The following EFCAB5 variants were observed in gnomAD, a reference collection of about 807,000 sequenced individuals.
EFCAB5 encodes the protein EF-hand calcium-binding domain-containing protein 5.
In EFCAB5, 131 loss-of-function variants were observed where a neutral mutation model predicts 167.9. The observed-to-expected ratio is 0.78, with a 90% CI of 0.68 to 0.90. The LOEUF (loss-of-function observed/expected upper bound fraction) is 0.90, where lower values mean the gene tolerates loss of function less well. Among genes scored for constraint, EFCAB5 ranks in the 40% least tolerant of loss-of-function variants. The pLI, the probability that EFCAB5 is intolerant of heterozygous loss-of-function variation, is 0.00. For synonymous variants in EFCAB5, 574 were observed against 602.8 expected (o/e 0.95, Z 0.70); for missense variants, 1,663 against 1,745.2 (o/e 0.95, Z 0.84).
intron 4 of EFCAB5, among the ~76,000 whole-genome samples, chr17:29,978,471 C>T (rs2068104984): frequency 6.6e-6 from 1 of 152,154 alleles, no homozygotes; most frequent in South Asian, 2.1e-4. Context: ...ATGTATATAT[C>T]CCATTATTAA....
At chr17:30,002,858 C>T (rs773019017) in intron 7 of EFCAB5, among the ~76,000 whole-genome samples, 24 of 152,012 alleles carry the variant, frequency 1.6e-4, no homozygotes, top group Admixed American at 9.2e-4. Flanking sequence ...ATTGAAAATT[C>T]TTCTATTTTA....
intron 4 of EFCAB5, among the ~76,000 whole-genome samples, chr17:29,987,103 G>A (rs1328153759): frequency 6.6e-6 from 1 of 152,156 alleles, no homozygotes; most frequent in Non-Finnish European, 1.5e-5. Context: ...AATACTCATG[G>A]CAGTGGTGAT....
intron 8 of EFCAB5, among the ~76,000 whole-genome samples, chr17:30,050,425 G>A (rs1470006207): frequency 1.3e-5 from 2 of 152,072 alleles, no homozygotes; most frequent in African/African-American, 2.4e-5. Context: ...GTGAGCCACC[G>A]CGCCTGGCCT....
intron 3 of EFCAB5, among the ~76,000 whole-genome samples, chr17:29,960,204 G>C (rs375044582): frequency 6.6e-6 from 1 of 152,214 alleles, no homozygotes; most frequent in East Asian, 1.9e-4. Context: ...ACTGCTGGGG[G>C]ATGGAGGAGG....
At chr17:29,980,127 C>G (rs985490071) in intron 4 of EFCAB5, among the ~76,000 whole-genome samples, 1 of 152,150 alleles carries the variant, frequency 6.6e-6, no homozygotes, top group African/African-American at 2.4e-5. Flanking sequence ...TGAGATCAGG[C>G]CATTGCACTC....
At chr17:29,963,689 T>G (rs1232108709) in intron 3 of EFCAB5, among the ~76,000 whole-genome samples, 1 of 152,188 alleles carries the variant, frequency 6.6e-6, no homozygotes, top group Non-Finnish European at 1.5e-5. Flanking sequence ...TTTTCTTTGT[T>G]GGGAAGTTTC....
At chr17:29,962,808 C>A (rs1425749355) in intron 3 of EFCAB5, among the ~76,000 whole-genome samples, 3 of 152,108 alleles carry the variant, frequency 2.0e-5, no homozygotes, top group South Asian at 2.1e-4. Flanking sequence ...TTCTTCTTGT[C>A]TTATAGCTCT....
intron 7 of EFCAB5, among the ~76,000 whole-genome samples, chr17:30,013,738 CT>C (rs1186409116): frequency 6.6e-6 from 1 of 152,090 alleles, no homozygotes; most frequent in East Asian, 1.9e-4. Context: ...TTTTGTTGAT[CT>C]TTTCAAAAAA....
chr17:30,097,047 TAC>T (rs1280713169), intron 22 of EFCAB5, among the ~76,000 whole-genome samples: 15,848 of 94,588 alleles, frequency 0.17, 1,097 homozygotes, highest in East Asian at 0.24. Context: ...CATATACATA[TAC>T]ATATATATAT....
chr17:30,049,828 T>A (rs2151770510), intron 8 of EFCAB5, among the ~76,000 whole-genome samples: 1 of 152,336 alleles, frequency 6.6e-6, no homozygotes, highest in Non-Finnish European at 1.5e-5. Flanking sequence ...AAAGTTGAAA[T>A]GCATACATTA....
chr17:30,024,287 T>C (rs1168725079), intron 7 of EFCAB5, among the ~76,000 whole-genome samples: 1 of 152,128 alleles, frequency 6.6e-6, no homozygotes, highest in African/African-American at 2.4e-5. Flanking sequence ...AAAACCCCAT[T>C]GTCTCAGCCC....
chr17:29,932,603 G>A (rs943105925), intron 1 of EFCAB5, among the ~76,000 whole-genome samples: 1 of 151,384 alleles, frequency 6.6e-6, no homozygotes, highest in Non-Finnish European at 1.5e-5. Context: ...TTACAGGCAT[G>A]TGCCACCACG....
chr17:29,945,014 T>G (rs1286247754), intron 3 of EFCAB5, among the ~76,000 whole-genome samples: 2 of 152,190 alleles, frequency 1.3e-5, no homozygotes, highest in African/African-American at 2.4e-5. Flanking sequence ...TTAACCCAAA[T>G]TCCACATAAT....
At chr17:30,043,486 A>G (rs898345981) in intron 8 of EFCAB5, among the ~76,000 whole-genome samples, 2 of 152,198 alleles carry the variant, frequency 1.3e-5, no homozygotes, top group African/African-American at 4.8e-5. Flanking sequence ...AATCTCAAGA[A>G]AAAAGTTGAA....
intron 3 of EFCAB5, among the ~76,000 whole-genome samples, chr17:29,949,523 T>C (rs1004951454): frequency 6.6e-6 from 1 of 152,232 alleles, no homozygotes; most frequent in African/African-American, 2.4e-5. Context: ...AATGAATTAA[T>C]CAATCAATCT....
At chr17:30,087,241 C>T in intron 19 of EFCAB5, 75 bp downstream of exon 19, 8 of 1,193,416 alleles carry the variant, frequency 6.7e-6, no homozygotes, top group Non-Finnish European at 9.8e-6. Flanking sequence ...AAAGACACAG[C>T]TTCTGACTCT....
At chr17:30,090,182 G>T (rs1226444412) in intron 19 of EFCAB5, among the ~76,000 whole-genome samples, 1 of 152,234 alleles carries the variant, frequency 6.6e-6, no homozygotes, top group East Asian at 1.9e-4. Flanking sequence ...GGCGCTGCTT[G>T]AGATTGGGTG....
intron 19 of EFCAB5, 122 bp from the exon 20 acceptor site, chr17:30,090,299 G>C: frequency 1.5e-6 from 2 of 1,292,976 alleles, no homozygotes; most frequent in South Asian, 3.1e-5. Context: ...AGATGAAACA[G>C]CAAGAAGGGC....
At chr17:30,085,148 A>G (rs981256892) in intron 18 of EFCAB5, among the ~76,000 whole-genome samples, 1 of 152,192 alleles carries the variant, frequency 6.6e-6, no homozygotes, top group Non-Finnish European at 1.5e-5. Flanking sequence ...CCTGACTGAT[A>G]CGAATTATAA....
Sources: allele counts gnomAD v4.1 joint callset (sites outside exome capture counted in the v4.1 genomes callset), GRCh38; gene constraint gnomAD v4.1.1; transcripts MANE v1.5; gene names NCBI Gene and HGNC (gene_info 2026-07-23, HGNC 2026-07-21).